Variants in SEC63 observed in about 807,000 individuals in gnomAD.
The protein encoded by SEC63 is SEC63 protein translocation regulator.
SEC63 carries 56 observed loss-of-function variants against 116.2 expected under a neutral mutation model. The ratio of observed to expected loss-of-function variants is 0.48; its 90% CI spans 0.39 to 0.60. The LOEUF is 0.60. Ranked by LOEUF, SEC63 falls within the 20% of genes least tolerant of loss-of-function variation. The pLI is 0.00. For synonymous variants in SEC63, 273 were observed against 294.6 expected (o/e 0.93, Z 0.75); for missense variants, 668 against 900.0 (o/e 0.74, Z 3.30).
chr6:107,952,011 TG>T (rs1489041362), intron 1 of SEC63, among the ~76,000 whole-genome samples: 1 of 151,598 alleles, frequency 6.6e-6, no homozygotes, highest in Admixed American at 6.6e-5. Context: ...GATTCTAATG[TG>T]TAGCCAGGGT....
At chr6:107,940,618 CACACAT>C (rs762751253) in intron 1 of SEC63, among the ~76,000 whole-genome samples, 11 of 151,916 alleles carry the variant, frequency 7.2e-5, no homozygotes, top group Non-Finnish European at 1.5e-4. Context: ...AAAGTGCGCG[CACACAT>C]ACACATACAC....
At chr6:107,939,285 GA>G (rs978638255) in intron 1 of SEC63, among the ~76,000 whole-genome samples, 8 of 150,254 alleles carry the variant, frequency 5.3e-5, no homozygotes, top group Non-Finnish European at 7.4e-5. Flanking sequence ...GTGTCTCAAA[GA>G]AAAAAAAACA....
chr6:107,884,443 GAAT>G (rs1461244393), intron 16 of SEC63, among the ~76,000 whole-genome samples: 1 of 151,908 alleles, frequency 6.6e-6, no homozygotes, highest in African/African-American at 2.4e-5. Flanking sequence ...AGAAAATTAT[GAAT>G]AATGTTACGC....
intron 16 of SEC63, among the ~76,000 whole-genome samples, chr6:107,886,419 G>C (rs916113768): frequency 6.6e-6 from 1 of 152,286 alleles, no homozygotes; most frequent in Admixed American, 6.5e-5. Flanking sequence ...CTAGATCCTT[G>C]AGGAATCGCC....
intron 12 of SEC63, 117 bp downstream of exon 12, chr6:107,902,727 A>C: frequency 1.0e-6 from 1 of 960,230 alleles, no homozygotes; most frequent in Non-Finnish European, 1.7e-6. Context: ...TAGAGTATTT[A>C]AGACATTCTA....
At position 107,868,137 on chromosome 6, in the gene SEC63, T is replaced by A. The variant is rs1204434577; in HGVS notation, c.*3567A>T. 5.3e-5 allele frequency: 8 copies of A among 152,102 alleles called. No individual in the cohort carries two copies. Among genetic ancestry groups the A allele is most frequent in the African/African-American group, 1.4e-4 (6 of 41,416 alleles). The allele number at this position is 152,102 out of a possible 1,614,324, so 9.4% of individuals were successfully genotyped here. A position where few individuals can be genotyped will look rare whatever the true frequency, so the allele number is the denominator to read the frequency against. On this transcript the variant is annotated 3_prime_UTR_variant, in exon 21 of 21. Transcript: ENST00000369002. ...CTACACAGCTGGCAAAATGTTATGGTTCACCAACAGTTATTTCACTTTAAG... is the reference window on the plus strand; with the variant it reads ...CTACACAGCTGGCAAAATGTTATGGATCACCAACAGTTATTTCACTTTAAG...
chr6:107,922,010 T>C, intron 3 of SEC63, 101 bp from the exon 4 acceptor site: 1 of 688,974 alleles, frequency 1.5e-6, no homozygotes, highest in Non-Finnish European at 2.5e-6. Context: ...AAATATGAAC[T>C]ACTCAGTATT....
intron 1 of SEC63, among the ~76,000 whole-genome samples, chr6:107,952,720 T>C (rs545093672): frequency 3.3e-5 from 5 of 152,270 alleles, no homozygotes; most frequent in East Asian, 3.9e-4. Context: ...ATCTTGCTAT[T>C]GCACTGGAGC....
intron 1 of SEC63, among the ~76,000 whole-genome samples, chr6:107,930,348 C>T (rs573787162): frequency 7.9e-5 from 12 of 151,600 alleles, no homozygotes; most frequent in African/African-American, 2.4e-4. Context: ...CGGTGGCTCA[C>T]GCCTGTAATC....
chr6:107,885,628 G>C (rs1786510081), intron 16 of SEC63, among the ~76,000 whole-genome samples: 1 of 152,150 alleles, frequency 6.6e-6, no homozygotes, highest in East Asian at 1.9e-4. Context: ...GCAGCTTTTT[G>C]GGGGGAAAAT....
chr6:107,941,035 GTAAA>G (rs1256664617), intron 1 of SEC63, among the ~76,000 whole-genome samples: 1 of 152,076 alleles, frequency 6.6e-6, no homozygotes, highest in Non-Finnish European at 1.5e-5. Context: ...TACTAGGAAA[GTAAA>G]TAAATGCTAG....
intron 7 of SEC63, 151 bp downstream of exon 7, chr6:107,911,195 G>A (rs1031828276): frequency 3.3e-5 from 22 of 665,456 alleles, no homozygotes; most frequent in East Asian, 2.2e-4. Flanking sequence ...AGGCTCAAGC[G>A]ATCCTCCCAC....
At chr6:107,909,864 A>G (rs1379380035) in intron 7 of SEC63, among the ~76,000 whole-genome samples, 3 of 152,212 alleles carry the variant, frequency 2.0e-5, no homozygotes, top group Non-Finnish European at 4.4e-5. Flanking sequence ...CAGGATCAGA[A>G]AGGACACAAG....
At chr6:107,879,198 C>CT (rs1228080003) in intron 18 of SEC63, among the ~76,000 whole-genome samples, 1 of 152,226 alleles carries the variant, frequency 6.6e-6, no homozygotes, top group Non-Finnish European at 1.5e-5. Flanking sequence ...CAGTCTCACT[C>CT]TGTCACCAAG....
At chr6:107,942,766 T>C (rs1255545130) in intron 1 of SEC63, among the ~76,000 whole-genome samples, 1 of 152,170 alleles carries the variant, frequency 6.6e-6, no homozygotes, top group Non-Finnish European at 1.5e-5. Flanking sequence ...TGTGTATGTA[T>C]TATATACTGC....
intron 7 of SEC63, 68 bp from the exon 8 acceptor site, chr6:107,909,103 C>T: frequency 1.8e-6 from 2 of 1,092,438 alleles, no homozygotes; most frequent in Non-Finnish European, 1.4e-6. Flanking sequence ...CGAGATGGCT[C>T]ATTCCTGTAA....
At chr6:107,896,962 A>G (rs1308501405) in intron 14 of SEC63, among the ~76,000 whole-genome samples, 6 of 151,632 alleles carry the variant, frequency 4.0e-5, no homozygotes, top group African/African-American at 1.5e-4. Context: ...TCTGGGAAAC[A>G]AGGGTGAAAC....
At chr6:107,950,545 C>T (rs4946879) in intron 1 of SEC63, among the ~76,000 whole-genome samples, 148,484 of 152,318 alleles carry the variant, frequency 0.97, 72,407 homozygotes, top group Middle Eastern at 0.99. Flanking sequence ...TTTTGAAAGA[C>T]AGATATCATA....
intron 18 of SEC63, among the ~76,000 whole-genome samples, chr6:107,879,638 A>C (rs1786365141): frequency 6.6e-6 from 1 of 151,850 alleles, no homozygotes; most frequent in Non-Finnish European, 1.5e-5. Context: ...AATACATTTT[A>C]TCTGATAAAT....
Sources: allele counts gnomAD v4.1 joint callset (sites outside exome capture counted in the v4.1 genomes callset), GRCh38; gene constraint gnomAD v4.1.1; transcripts MANE v1.5; gene names NCBI Gene and HGNC (gene_info 2026-07-23, HGNC 2026-07-21).